CCP110: variants seen among roughly 807,000 people sequenced by gnomAD.
The protein encoded by CCP110 is centriolar coiled-coil protein 110.
CCP110 carries 43 observed loss-of-function variants against 105.5 expected under a neutral mutation model. The observed-to-expected ratio is 0.41, with a 90% CI of 0.32 to 0.53. The LOEUF is 0.53. Ranked by LOEUF, CCP110 falls within the 20% of genes least tolerant of loss-of-function variation. The pLI, the probability that CCP110 is intolerant of heterozygous loss-of-function variation, is 0.32. For missense variants in CCP110, 1,016 were observed against 1,189.1 expected, an observed-to-expected ratio of 0.85 and a Z score of 2.14; for synonymous variants, 353 against 392.1, an observed-to-expected ratio of 0.90 and a Z score of 1.18.
exon 6 of CCP110, chr16:19,541,891 T>G (rs1567361129): frequency 6.3e-7 from 1 of 1,577,038 alleles, no homozygotes; most frequent in Non-Finnish European, 8.6e-7. Context: ...GTATAGGAAA[T>G]AGAAGAGCAG....
At chr16:19,542,114 G>A (rs1244989120) in intron 6 of CCP110, 50 bp downstream of exon 6, 1 of 1,277,688 alleles carries the variant, frequency 7.8e-7, no homozygotes, top group Non-Finnish European at 1.1e-6. Context: ...CCTACGGTAA[G>A]ATATTTATTT....
At chr16:19,532,139 T>C (rs1226264653) in intron 2 of CCP110, among the ~76,000 whole-genome samples, 1 of 152,206 alleles carries the variant, frequency 6.6e-6, no homozygotes, top group Non-Finnish European at 1.5e-5. Flanking sequence ...GAAAATAATT[T>C]ACACATAGCA....
At chr16:19,540,747 T>C in exon 5 of CCP110, 1 of 1,613,744 alleles carries the variant, frequency 6.2e-7, no homozygotes, top group Non-Finnish European at 8.5e-7. Flanking sequence ...TTATCACTAC[T>C]CATAGCTGAG....
intron 5 of CCP110, among the ~76,000 whole-genome samples, chr16:19,541,254 C>A (rs1340342598): frequency 6.8e-6 from 1 of 146,600 alleles, no homozygotes; most frequent in Admixed American, 6.8e-5. Flanking sequence ...CAGAGGGAGA[C>A]CCTGTCTCTA....
At chr16:19,530,602 A>G (rs1969831115) in intron 2 of CCP110, among the ~76,000 whole-genome samples, 1 of 151,648 alleles carries the variant, frequency 6.6e-6, no homozygotes, top group Non-Finnish European at 1.5e-5. Context: ...GCCAAGATCC[A>G]CTGAACCCAG....
Position 19,546,437 on chromosome 16 carries a change from A to T in CCP110, c.2803A>T (p.Lys935Ter). The change falls in exon 12 of 15, where the codon AAG becomes TAG. Residue 935 changes from lysine (K) to a stop codon, truncating the protein, a stop_gained. Coordinates refer to ENST00000381396, the Ensembl canonical transcript of CCP110. LOFTEE classifies it high-confidence loss of function. ...AGCTGCTGAAATGGGAATGCCAAAT[A>T]AGAAATTTCTGGTTAAACAAAATCC... The T allele has an allele frequency of 6.3e-7, 1 of 1,588,178 alleles. No homozygotes were observed.
exon 15 of CCP110, chr16:19,552,398 A>C (rs895302034): frequency 2.0e-5 from 3 of 152,104 alleles, no homozygotes; most frequent in African/African-American, 7.2e-5. Context: ...ATGGTGGTGC[A>C]TGCCTGTAGT....
At chr16:19,546,216 T>C (rs1339869767) in intron 11 of CCP110, 196 bp from the exon 12 acceptor site, 2 of 521,528 alleles carry the variant, frequency 3.8e-6, no homozygotes, top group Admixed American at 3.7e-5. Context: ...AAAGACTTAA[T>C]GGGAAAAATA....
At chr16:19,539,927 G>A (rs1471531554) in intron 4 of CCP110, among the ~76,000 whole-genome samples, 1 of 151,782 alleles carries the variant, frequency 6.6e-6, no homozygotes, top group Non-Finnish European at 1.5e-5. Context: ...AGCCTCCCAA[G>A]TAGCTGAGAT....
chr16:19,534,953 T>G (rs1195048807), intron 3 of CCP110, among the ~76,000 whole-genome samples: 2 of 145,132 alleles, frequency 1.4e-5, no homozygotes, highest in African/African-American at 5.2e-5. Flanking sequence ...TGATCTTGGC[T>G]CACTGCAAGC....
chr16:19,527,747 G>T (rs930168116), intron 1 of CCP110, 120 bp from the exon 2 acceptor site: 1 of 647,038 alleles, frequency 1.5e-6, no homozygotes. Flanking sequence ...AGACAATTCT[G>T]GGAGGACCAG....
exon 15 of CCP110, chr16:19,551,328 C>A: frequency 8.8e-7 from 1 of 1,136,170 alleles, no homozygotes; most frequent in South Asian, 1.2e-5. Flanking sequence ...TTTATTTAAC[C>A]CTGGACTCCG....
In CCP110 at chr16:19,530,372, AT is replaced by A. The variant is rs566124203; in HGVS notation, c.142-2039del. On this transcript the variant is annotated intron_variant, in intron 2 of 14. Transcript: ENST00000381396. ...GTGAAGTTTGATAAACAGGTTAAAG[AT>A]TTTTGGAATTCTTTGAAGATAGGGC... is the stretch of plus-strand genomic sequence containing the variant. Among the ~76,000 whole-genome samples, 17 of 151,986 alleles carry A rather than the reference AT, an allele frequency of 1.1e-4. No individual in the cohort carries two copies. In the East Asian group the frequency reaches 3.3e-3, roughly 30 times the overall value.
chr16:19,550,208 T>C (rs967394327), intron 14 of CCP110, among the ~76,000 whole-genome samples: 4 of 151,664 alleles, frequency 2.6e-5, no homozygotes, highest in Admixed American at 6.6e-5. Context: ...CTGGAGTGCA[T>C]TGGTGTGATC....
intron 3 of CCP110, 93 bp downstream of exon 3, chr16:19,532,637 T>C: frequency 1.0e-6 from 1 of 980,738 alleles, no homozygotes. Flanking sequence ...CTTAACTAAT[T>C]ACTAATGTAC....
At chr16:19,537,692 C>G in intron 4 of CCP110, 105 bp downstream of exon 4, 1 of 616,450 alleles carries the variant, frequency 1.6e-6, no homozygotes, top group Non-Finnish European at 2.8e-6. Context: ...CATATGGGCA[C>G]TTAATTTTAT....
intron 1 of CCP110, among the ~76,000 whole-genome samples, chr16:19,524,403 G>A (rs555757236): frequency 2.2e-3 from 336 of 152,242 alleles, no homozygotes; most frequent in Non-Finnish European, 3.8e-3. Flanking sequence ...ATAAAACTCG[G>A]GCCAGAGCCG....
chr16:19,536,359 T>A lies in CCP110; in HGVS notation c.690T>A (p.Asn230Lys), dbSNP rs748380117. The A allele has an allele frequency of 5.6e-6, 9 of 1,612,582 alleles. No individual in the cohort carries two copies. In the East Asian group the frequency reaches 1.8e-4, roughly 32 times the overall value. The change falls in exon 4 of 15, where the codon AAT becomes AAA. Residue 230 changes from asparagine to lysine, a missense_variant. Coordinates refer to ENST00000381396, the Ensembl canonical transcript of CCP110. ...ATCCCTATGTAATGAGTCTTCAGAA[T>A]CTGATGAAAAAGTCAAAGGAATATA...
Position 19,551,205 on chromosome 16 carries a change from CA to C in CCP110, c.2997del (p.Gly1000GlufsTer81). ...TTTGCTCTATTTTTAGGAGTATATG[CA>C]GGAAAAATCCAAAGAAAGCGGCCAA... On this transcript the variant is annotated frameshift_variant, in exon 15 of 15. Transcript: ENST00000381396. LOFTEE classifies it high-confidence loss of function. 6.2e-7 allele frequency: 1 copy of C among 1,609,366 alleles called. No homozygotes were observed.
Sources: gnomAD v4.1 joint callset for allele counts (sites outside exome capture counted in the v4.1 genomes callset) on GRCh38, gnomAD v4.1.1 for gene constraint, MANE v1.5 for transcripts, NCBI Gene and HGNC (gene_info 2026-07-23, HGNC 2026-07-21) for gene names.